PTPRD: variants seen among roughly 807,000 people sequenced by gnomAD.
PTPRD encodes receptor-type tyrosine-protein phosphatase delta.
A neutral mutation model predicts 214.5 loss-of-function variants in PTPRD; 34 were observed. The ratio of observed to expected loss-of-function variants is 0.16; its 90% CI spans 0.12 to 0.21. PTPRD has a LOEUF of 0.21. Ranked by LOEUF, PTPRD falls within the 10% of genes least tolerant of loss-of-function variation. PTPRD has a pLI of 1.00. For missense variants in PTPRD, 2,545 were observed against 2,398.7 expected, an observed-to-expected ratio of 1.06 and a Z score of -1.27; for synonymous variants, 1,128 against 845.7, an observed-to-expected ratio of 1.33 and a Z score of -5.79.
intron 12 of PTPRD, among the ~76,000 whole-genome samples, chr9:8,662,777 TA>T (rs2097090609): frequency 6.6e-6 from 1 of 152,206 alleles, no homozygotes; most frequent in Admixed American, 6.5e-5. Flanking sequence ...CTAAAATGGA[TA>T]TTTTTTTTCC....
At chr9:8,650,687 T>G (rs1368044023) in intron 12 of PTPRD, among the ~76,000 whole-genome samples, 1 of 152,174 alleles carries the variant, frequency 6.6e-6, no homozygotes, top group Admixed American at 6.5e-5. Context: ...TTATTCACAT[T>G]TAGACCAATA....
chr9:8,434,101 G>C (rs1025854165), intron 35 of PTPRD, among the ~76,000 whole-genome samples: 2 of 152,124 alleles, frequency 1.3e-5, no homozygotes, highest in Non-Finnish European at 2.9e-5. Context: ...TCCTGCCTCA[G>C]CCTCCCAAGT....
intron 10 of PTPRD, among the ~76,000 whole-genome samples, chr9:9,160,416 C>T (rs1172470062): frequency 2.0e-5 from 3 of 152,178 alleles, no homozygotes; most frequent in East Asian, 3.9e-4. Context: ...AAATAGCCAA[C>T]AGGTACATTT....
intron 3 of PTPRD, among the ~76,000 whole-genome samples, chr9:10,121,048 G>T (rs1330914052): frequency 1.3e-5 from 2 of 152,076 alleles, no homozygotes; most frequent in African/African-American, 4.8e-5. Flanking sequence ...ATTATGGTTT[G>T]TACCAAAGTA....
chr9:8,583,659 GGA>G (rs2093383306), intron 14 of PTPRD, among the ~76,000 whole-genome samples: 1 of 152,116 alleles, frequency 6.6e-6, no homozygotes, highest in Admixed American at 6.5e-5. Flanking sequence ...AACCTTTCAT[GGA>G]GATAATATAT....
chr9:9,591,891 G>C (rs2092766660), intron 7 of PTPRD, among the ~76,000 whole-genome samples: 1 of 152,020 alleles, frequency 6.6e-6, no homozygotes, highest in Non-Finnish European at 1.5e-5. Flanking sequence ...CTACTGTGTA[G>C]TGGAACACCA....
intron 5 of PTPRD, among the ~76,000 whole-genome samples, chr9:9,826,501 C>T (rs973891129): frequency 1.3e-5 from 2 of 151,878 alleles, no homozygotes; most frequent in African/African-American, 4.8e-5. Context: ...AATCCAGAGA[C>T]AGTACCATTA....
chr9:10,435,557 C>G (rs1056462070), intron 2 of PTPRD, among the ~76,000 whole-genome samples: 11 of 151,808 alleles, frequency 7.2e-5, no homozygotes, highest in African/African-American at 2.4e-4. Flanking sequence ...TGCATTAGAC[C>G]TCTGTTATAA....
intron 5 of PTPRD, among the ~76,000 whole-genome samples, chr9:9,806,542 C>A (rs1188784508): frequency 1.3e-5 from 2 of 152,066 alleles, no homozygotes; most frequent in Non-Finnish European, 2.9e-5. Flanking sequence ...CCATCCCCTG[C>A]CCGCAAAAAA....
Position 10,225,408 on chromosome 9 carries a change from C to T in PTPRD, c.-545+115555G>A, listed in dbSNP as rs181008077. 1.2e-3 allele frequency among the ~76,000 whole-genome samples: 188 copies of T among 151,980 alleles called. 1 individual carries two copies. Among genetic ancestry groups the T allele is most frequent in the African/African-American group, 4.2e-3 (173 of 41,478 alleles). On this transcript the variant is annotated intron_variant, in intron 3 of 45. Coordinates refer to ENST00000381196, the MANE Select transcript of PTPRD (RefSeq NM_002839.4). The stretch of plus-strand genomic sequence containing the variant: ...GATAAAAGAGCTGATATTAACAGTC[C>T]GCTTATTTTACTTTCAGAGACATTA...
At chr9:10,449,464 G>C (rs553277813) in intron 2 of PTPRD, among the ~76,000 whole-genome samples, 5 of 151,366 alleles carry the variant, frequency 3.3e-5, no homozygotes, top group African/African-American at 1.2e-4. Flanking sequence ...CGGCCACCCC[G>C]TCTGGGAAGT....
In PTPRD at chr9:9,069,541, CT is replaced by C. The variant is rs145600855; in HGVS notation, c.-142-50807del. Among the ~76,000 whole-genome samples, 1,416 of 152,322 alleles carry C rather than the reference CT, an allele frequency of 9.3e-3. 24 individuals carry two copies. The highest frequency in any genetic ancestry group is 0.04 in the Admixed American group (605 of 15,300). On this transcript the variant is annotated intron_variant, in intron 10 of 45. Coordinates refer to ENST00000381196, the MANE Select transcript of PTPRD (RefSeq NM_002839.4). ...GCAAGAAGAGTTATCATGATGCTACCTTAACTGTTCAGTAACAACCTTAGAT... is the reference window on the plus strand; with the variant it reads ...GCAAGAAGAGTTATCATGATGCTACCTAACTGTTCAGTAACAACCTTAGAT...
intron 11 of PTPRD, among the ~76,000 whole-genome samples, chr9:8,784,238 G>A (rs963790473): frequency 2.6e-5 from 4 of 152,112 alleles, no homozygotes; most frequent in Non-Finnish European, 2.9e-5. Context: ...CAAACAAAAC[G>A]ACATGACCTG....
chr9:10,280,230 T>C (rs1314344556), intron 3 of PTPRD, among the ~76,000 whole-genome samples: 2 of 152,134 alleles, frequency 1.3e-5, no homozygotes, highest in Non-Finnish European at 2.9e-5. Flanking sequence ...GTTTTAACAA[T>C]AAAGAGTAAT....
intron 8 of PTPRD, among the ~76,000 whole-genome samples, chr9:9,499,527 C>T (rs1204168432): frequency 6.6e-6 from 1 of 152,054 alleles, no homozygotes; most frequent in African/African-American, 2.4e-5. Context: ...ACTCATTTAT[C>T]TTCAAACATT....
At chr9:9,578,363 A>C (rs957656194) in intron 7 of PTPRD, among the ~76,000 whole-genome samples, 17 of 152,038 alleles carry the variant, frequency 1.1e-4, no homozygotes, top group Non-Finnish European at 2.1e-4. Flanking sequence ...TGGATCTATG[A>C]TGTAGTGTTT....
intron 31 of PTPRD, among the ~76,000 whole-genome samples, chr9:8,468,817 A>C (rs1034038730): frequency 2.0e-5 from 3 of 148,880 alleles, no homozygotes; most frequent in East Asian, 2.0e-4. Flanking sequence ...AAAAAAAAAA[A>C]CTCTCTGTAG....
At position 9,255,338 on chromosome 9, in the gene PTPRD, G is replaced by A. The variant is rs930894236; in HGVS notation, c.-202-71975C>T. 5.9e-5 allele frequency among the ~76,000 whole-genome samples: 9 copies of A among 152,116 alleles called. No homozygotes were observed. In the East Asian group the frequency reaches 1.8e-3, roughly 30 times the overall value. On this transcript the variant is annotated intron_variant, in intron 9 of 45. Transcript: ENST00000381196. ...CAATAATTTCCTTTAAAAGCCATTT[G>A]CTTCTTAAGGTGACCAGAAGATATT...
At chr9:10,528,952 G>C (rs576623466) in intron 2 of PTPRD, among the ~76,000 whole-genome samples, 1 of 152,122 alleles carries the variant, frequency 6.6e-6, no homozygotes, top group Non-Finnish European at 1.5e-5. Flanking sequence ...GGAAAAAAGA[G>C]AAATTGACTT....
Sources: allele counts gnomAD v4.1 joint callset (sites outside exome capture counted in the v4.1 genomes callset), GRCh38; gene constraint gnomAD v4.1.1; transcripts MANE v1.5; gene names NCBI Gene and HGNC (gene_info 2026-07-23, HGNC 2026-07-21).